LNPEP: variants seen among roughly 807,000 people sequenced by gnomAD.
LNPEP encodes leucyl and cystinyl aminopeptidase, also known as leucyl-cystinyl aminopeptidase.
Under a neutral mutation model 120.6 loss-of-function variants are expected in LNPEP, and 64 were observed. That is an observed-to-expected ratio of 0.53 (90% CI 0.43 to 0.65). The LOEUF is 0.65. LNPEP is among the 30% of genes least tolerant of loss of function. The pLI is 0.00. For missense variants in LNPEP, 1,057 were observed against 1,200.0 expected (o/e 0.88, Z 1.76); for synonymous variants, 435 against 425.4 (o/e 1.02, Z -0.28).
intron 17 of LNPEP, among the ~76,000 whole-genome samples, chr5:97,028,142 A>G (rs771745989): frequency 1.3e-5 from 2 of 152,184 alleles, no homozygotes; most frequent in African/African-American, 2.4e-5. Context: ...TGTTACTTAA[A>G]CATCTCCTTG....
rs183428448 is a variant in LNPEP, at chr5:97,007,945, C to T, written c.2035+1430C>T. On this transcript the variant is annotated intron_variant, in intron 11 of 17. Transcript: ENST00000231368. ...CTGAAATACATGAATGTGCCAGTTT[C>T]ATTGCAGTTTTACCATAGTGGAGTG... Among the ~76,000 whole-genome samples, 344 of 152,258 alleles carry T rather than the reference C, an allele frequency of 2.3e-3. 1 individual carries two copies. The highest frequency in any genetic ancestry group is 3.7e-3 in the Non-Finnish European group (250 of 68,012).
chr5:96,962,839 A>G (rs1294053325), intron 1 of LNPEP: 1 of 152,058 alleles, frequency 6.6e-6, no homozygotes, highest in East Asian at 1.9e-4. Context: ...CCCTCAGTGA[A>G]TGTTGGCTTT....
chr5:96,969,703 A>T (rs1307755707), intron 1 of LNPEP, among the ~76,000 whole-genome samples: 1 of 151,308 alleles, frequency 6.6e-6, no homozygotes, highest in African/African-American at 2.4e-5. Context: ...ATTATTTTTC[A>T]GTTGTTTATC....
rs166139 is a variant in LNPEP, at chr5:96,989,283, A to G, written c.1131+2613A>G. On this transcript the variant is annotated intron_variant, in intron 4 of 17. Transcript: ENST00000231368. ...GTATATATGATATATATATTATATAATATATAATTTATATATAATATATTG... is the reference window on the plus strand; with the variant it reads ...GTATATATGATATATATATTATATAGTATATAATTTATATATAATATATTG... Among the ~76,000 whole-genome samples the G allele has an allele frequency of 2.2e-4, 29 of 131,106 alleles. 1 individual carries two copies. The highest frequency in any genetic ancestry group is 7.7e-4 in the African/African-American group (27 of 34,958). 86.0% of individuals were successfully genotyped at this position (131,106 alleles called of 152,430 possible). A position where few individuals can be genotyped will look rare whatever the true frequency, so the allele number is the denominator to read the frequency against.
chr5:96,978,251 C>G (rs1288672687), intron 1 of LNPEP, among the ~76,000 whole-genome samples: 1 of 151,720 alleles, frequency 6.6e-6, no homozygotes, highest in Admixed American at 6.6e-5. Flanking sequence ...AGTCTTTTTT[C>G]TCAGTGATTT....
intron 12 of LNPEP, among the ~76,000 whole-genome samples, 197 bp downstream of exon 12, chr5:97,014,028 T>C (rs1318149768): frequency 6.6e-6 from 1 of 152,146 alleles, no homozygotes; most frequent in Non-Finnish European, 1.5e-5. Flanking sequence ...AACAGTTAAA[T>C]GAAACAGGAT....
At chr5:97,026,874 A>G (rs17446837) in intron 16 of LNPEP, 117 bp downstream of exon 16, 34,575 of 782,030 alleles carry the variant, frequency 0.044, 1,019 homozygotes, top group Middle Eastern at 0.097. Context: ...AAATACTTCC[A>G]TGACAGTTTA....
chr5:97,020,741 G>T (rs1012549539), intron 13 of LNPEP, among the ~76,000 whole-genome samples: 31 of 152,140 alleles, frequency 2.0e-4, no homozygotes, highest in Non-Finnish European at 1.0e-4. Flanking sequence ...GGCAGAGCTT[G>T]CAGTGAGCTG....
intron 1 of LNPEP, among the ~76,000 whole-genome samples, chr5:96,949,599 A>C (rs1256584360): frequency 1.3e-5 from 2 of 152,250 alleles, no homozygotes; most frequent in Non-Finnish European, 2.9e-5. Context: ...ACATTCCTAC[A>C]TCCAACTTAA....
chr5:96,962,351 A>G (rs1421176932), intron 1 of LNPEP, among the ~76,000 whole-genome samples: 1 of 152,188 alleles, frequency 6.6e-6, no homozygotes, highest in Non-Finnish European at 1.5e-5. Flanking sequence ...TTTGTTTCTC[A>G]CTTCAGCTGT....
At chr5:96,998,726 G>A (rs1790576417) in intron 8 of LNPEP, among the ~76,000 whole-genome samples, 2 of 152,102 alleles carry the variant, frequency 1.3e-5, no homozygotes, top group South Asian at 2.1e-4. Flanking sequence ...AGATAGAGAA[G>A]AAAATACACA....
chr5:96,951,480 G>C (rs1021283654), intron 1 of LNPEP, among the ~76,000 whole-genome samples: 1 of 151,984 alleles, frequency 6.6e-6, no homozygotes, highest in East Asian at 1.9e-4. Flanking sequence ...GGATGGTCTC[G>C]ATCTCCTGAC....
At chr5:97,006,267 T>C in intron 10 of LNPEP, 34 bp downstream of exon 10, 1 of 1,553,384 alleles carries the variant, frequency 6.4e-7, no homozygotes, top group Non-Finnish European at 8.8e-7. Flanking sequence ...GCCATCTCTT[T>C]TGCACTCTCA....
intron 9 of LNPEP, among the ~76,000 whole-genome samples, chr5:97,004,632 T>G (rs561851890): frequency 7.2e-5 from 11 of 152,296 alleles, no homozygotes; most frequent in Admixed American, 2.6e-4. Context: ...CAAAGTTTTA[T>G]TGACTCTAGG....
intron 13 of LNPEP, among the ~76,000 whole-genome samples, chr5:97,018,839 G>C (rs939576184): frequency 2.0e-5 from 3 of 152,148 alleles, no homozygotes; most frequent in African/African-American, 7.2e-5. Context: ...GCTGCATTTT[G>C]TGATGCTGTA....
intron 8 of LNPEP, among the ~76,000 whole-genome samples, chr5:97,002,520 G>T (rs564980699): frequency 5.3e-4 from 81 of 152,238 alleles, no homozygotes; most frequent in African/African-American, 1.9e-3. Flanking sequence ...AGAGTAATAG[G>T]TAATAATTTA....
chr5:97,000,963 G>A (rs968570271), intron 8 of LNPEP, among the ~76,000 whole-genome samples: 2 of 152,166 alleles, frequency 1.3e-5, no homozygotes, highest in African/African-American at 2.4e-5. Flanking sequence ...AGTAGAGTAA[G>A]CAGAGGAGAA....
chr5:96,986,517 G>A, intron 3 of LNPEP, 22 bp from the exon 4 acceptor site: 1 of 1,608,408 alleles, frequency 6.2e-7, no homozygotes, highest in East Asian at 2.2e-5. Flanking sequence ...TTACAGAACT[G>A]TCTTTTCCCC....
intron 1 of LNPEP, among the ~76,000 whole-genome samples, chr5:96,965,004 G>A (rs1263545831): frequency 6.6e-6 from 1 of 152,098 alleles, no homozygotes; most frequent in Admixed American, 6.6e-5. Context: ...TTTGATACAT[G>A]CATACAGTGT....
Sources: allele counts gnomAD v4.1 joint callset (sites outside exome capture counted in the v4.1 genomes callset), GRCh38; gene constraint gnomAD v4.1.1; transcripts MANE v1.5; gene names NCBI Gene and HGNC (gene_info 2026-07-23, HGNC 2026-07-21).